The following PTPRD variants were observed in gnomAD, a reference collection of about 807,000 sequenced individuals.
PTPRD encodes receptor-type tyrosine-protein phosphatase delta.
Under a neutral mutation model 214.5 loss-of-function variants are expected in PTPRD, and 34 were observed. The observed-to-expected ratio is 0.16, with a 90% CI of 0.12 to 0.21. The LOEUF (loss-of-function observed/expected upper bound fraction) is 0.21, where lower values mean the gene tolerates loss of function less well. PTPRD is among the 10% of genes least tolerant of loss of function. The pLI is 1.00. For synonymous variants in PTPRD, 1,128 were observed against 845.7 expected (o/e 1.33, Z -5.79); for missense variants, 2,545 against 2,398.7 (o/e 1.06, Z -1.27).
chr9:10,385,569 G>A (rs2097900254), intron 2 of PTPRD, among the ~76,000 whole-genome samples: 1 of 151,772 alleles, frequency 6.6e-6, no homozygotes, highest in Non-Finnish European at 1.5e-5. Context: ...AATGAAAGAT[G>A]TTATTGTGGA....
intron 8 of PTPRD, among the ~76,000 whole-genome samples, chr9:9,569,891 G>C (rs2085820051): frequency 6.6e-6 from 1 of 151,478 alleles, no homozygotes; most frequent in Non-Finnish European, 1.5e-5. Flanking sequence ...GGTGTGAAGA[G>C]GTGATAATCC....
chr9:8,673,669 C>G (rs1325068089), intron 12 of PTPRD, among the ~76,000 whole-genome samples: 1 of 152,018 alleles, frequency 6.6e-6, no homozygotes, highest in African/African-American at 2.4e-5. Context: ...AATTTCTTGA[C>G]CTCGTATATT....
chr9:9,832,691 A>T (rs1274260484), intron 5 of PTPRD, among the ~76,000 whole-genome samples: 1 of 151,980 alleles, frequency 6.6e-6, no homozygotes, highest in Non-Finnish European at 1.5e-5. Flanking sequence ...AATAAATGCA[A>T]GGAAGACATA....
chr9:8,631,584 A>C (rs2096253153), intron 14 of PTPRD, among the ~76,000 whole-genome samples: 1 of 151,790 alleles, frequency 6.6e-6, no homozygotes. Flanking sequence ...TTTTATGTTA[A>C]ACTATTTGGT....
At chr9:9,639,039 G>A (rs564342091) in intron 7 of PTPRD, among the ~76,000 whole-genome samples, 114 of 152,200 alleles carry the variant, frequency 7.5e-4, no homozygotes, top group African/African-American at 2.6e-3. Flanking sequence ...TGTTGCATTC[G>A]GAATTAAATT....
intron 14 of PTPRD, among the ~76,000 whole-genome samples, chr9:8,594,377 C>G (rs1015721327): frequency 2.0e-5 from 3 of 152,166 alleles, no homozygotes; most frequent in African/African-American, 7.2e-5. Flanking sequence ...TCCTAAGAAT[C>G]TGTAATCATT....
intron 12 of PTPRD, among the ~76,000 whole-genome samples, chr9:8,728,910 G>C (rs1000232704): frequency 6.6e-6 from 1 of 152,142 alleles, no homozygotes; most frequent in Non-Finnish European, 1.5e-5. Context: ...AACCCCAGAG[G>C]TGGAGGTTGC....
At chr9:10,471,797 A>G (rs1413406612) in intron 2 of PTPRD, among the ~76,000 whole-genome samples, 1 of 152,128 alleles carries the variant, frequency 6.6e-6, no homozygotes, top group Admixed American at 6.6e-5. Flanking sequence ...GTCAGAAAAT[A>G]TTTATAAAAT....
chr9:10,096,772 T>C (rs921084899), intron 3 of PTPRD, among the ~76,000 whole-genome samples: 9 of 152,064 alleles, frequency 5.9e-5, no homozygotes, highest in Non-Finnish European at 1.0e-4. Context: ...TTTTGGCTTT[T>C]GTTGCCATTG....
intron 5 of PTPRD, among the ~76,000 whole-genome samples, chr9:9,856,237 C>T (rs2061532990): frequency 6.6e-6 from 1 of 152,122 alleles, no homozygotes; most frequent in African/African-American, 2.4e-5. Context: ...CACTCTTCCT[C>T]TCTGCCAGAT....
rs976048224 is a variant in PTPRD at position 10,578,405 on chromosome 9, CTTTA to C, written c.-600+33989_-600+33992del. Among the ~76,000 whole-genome samples the C allele has an allele frequency of 2.4e-4, 37 of 151,756 alleles. 1 individual carries two copies. Among genetic ancestry groups the C allele is most frequent in the African/African-American group, 7.7e-4 (32 of 41,320 alleles). On this transcript the variant is annotated intron_variant, in intron 2 of 45. Coordinates refer to ENST00000381196, the MANE Select transcript of PTPRD (RefSeq NM_002839.4). ...AATAGTTATGTTCAGTTTTAAATAC[CTTTA>C]TTTTAGGGGTTCTTACAAATTTTTC...
chr9:9,713,291 A>T (rs1417525232), intron 7 of PTPRD, among the ~76,000 whole-genome samples: 1 of 152,186 alleles, frequency 6.6e-6, no homozygotes, highest in Non-Finnish European at 1.5e-5. Context: ...AGAATCATAG[A>T]CCAAGAAAAT....
chr9:10,129,814 A>G (rs76413577), intron 3 of PTPRD, among the ~76,000 whole-genome samples: 3,553 of 152,188 alleles, frequency 0.023, 124 homozygotes, highest in African/African-American at 0.08. Context: ...GGTATTGTTA[A>G]TAAATAATAA....
At chr9:8,590,412 A>T (rs1393454823) in intron 14 of PTPRD, among the ~76,000 whole-genome samples, 3 of 152,160 alleles carry the variant, frequency 2.0e-5, no homozygotes, top group African/African-American at 7.2e-5. Context: ...AAGTGTGCAG[A>T]AGACTTATCA....
At chr9:8,939,384 G>C (rs1183288139) in intron 11 of PTPRD, among the ~76,000 whole-genome samples, 1 of 150,258 alleles carries the variant, frequency 6.7e-6, no homozygotes, top group Non-Finnish European at 1.5e-5. Flanking sequence ...AAAACATACA[G>C]ACAGACAGAT....
intron 11 of PTPRD, among the ~76,000 whole-genome samples, chr9:8,907,509 C>A (rs1364768483): frequency 2.0e-5 from 2 of 100,596 alleles, no homozygotes; most frequent in Non-Finnish European, 3.8e-5. Context: ...CAGAGTGAGA[C>A]TCCGTCTCAA....
At chr9:9,747,851 C>T (rs2098474181) in intron 6 of PTPRD, among the ~76,000 whole-genome samples, 1 of 152,104 alleles carries the variant, frequency 6.6e-6, no homozygotes, top group Non-Finnish European at 1.5e-5. Flanking sequence ...CTGCACCTGG[C>T]CTGAGTCTAC....
chr9:10,326,156 A>G (rs553958272), intron 3 of PTPRD, among the ~76,000 whole-genome samples: 6 of 151,840 alleles, frequency 4.0e-5, no homozygotes, highest in African/African-American at 1.2e-4. Flanking sequence ...TGATTGGACA[A>G]TTTTCAAAAA....
intron 3 of PTPRD, among the ~76,000 whole-genome samples, chr9:10,267,092 G>A (rs1228762412): frequency 1.3e-5 from 2 of 151,430 alleles, no homozygotes; most frequent in Non-Finnish European, 2.9e-5. Context: ...TCGGGAGGCT[G>A]AGGCAGGAGA....
Sources: allele counts gnomAD v4.1 joint callset (sites outside exome capture counted in the v4.1 genomes callset), GRCh38; gene constraint gnomAD v4.1.1; transcripts MANE v1.5; gene names NCBI Gene and HGNC (gene_info 2026-07-23, HGNC 2026-07-21).